PAMR1: variants seen among roughly 807,000 people sequenced by gnomAD.
PAMR1 encodes the protein peptidase domain containing associated with muscle regeneration 1.
A neutral mutation model predicts 81.8 loss-of-function variants in PAMR1; 88 were observed. That is an observed-to-expected ratio of 1.08 (90% CI 0.91 to 1.28). The LOEUF is 1.28. Ranked by LOEUF, PAMR1 falls within the 50% of genes most tolerant of loss-of-function variation. The probability of loss-of-function intolerance (pLI) is 0.00; values close to 1 mark genes in which losing one functional copy is unlikely to be tolerated. For missense variants in PAMR1, 935 were observed against 919.7 expected (o/e 1.02, Z -0.21); for synonymous variants, 336 against 345.3 (o/e 0.97, Z 0.30).
intron 1 of PAMR1, among the ~76,000 whole-genome samples, chr11:35,508,397 A>G: frequency 6.6e-6 from 1 of 151,412 alleles, no homozygotes; most frequent in East Asian, 1.9e-4. Context: ...TCATCCCCAT[A>G]TTTGAGTTCT....
In PAMR1 at chr11:35,498,583, A is replaced by G. The variant is rs754606077; in HGVS notation, c.74-4311T>C. On this transcript the variant is annotated intron_variant, in intron 1 of 10. Coordinates refer to ENST00000619888, the MANE Select transcript of PAMR1 (RefSeq NM_001001991.3). ...TATGGTTTTTTACGTATGTCAGATCAATTTCTTGCTTAAAATGGTCACCTT... is the reference window on the plus strand; with the variant it reads ...TATGGTTTTTTACGTATGTCAGATCGATTTCTTGCTTAAAATGGTCACCTT... 5.3e-5 allele frequency among the ~76,000 whole-genome samples: 8 copies of G among 152,334 alleles called. No individual in the cohort carries two copies. In the South Asian group the frequency reaches 1.0e-3, roughly 20 times the overall value.
At chr11:35,458,900 C>A (rs1049998305) in intron 6 of PAMR1, among the ~76,000 whole-genome samples, 5 of 152,120 alleles carry the variant, frequency 3.3e-5, no homozygotes, top group African/African-American at 4.8e-5. Context: ...TGTCTCTGGA[C>A]CAAACCAAAT....
intron 4 of PAMR1, among the ~76,000 whole-genome samples, chr11:35,473,601 A>T (rs1850229094): frequency 1.3e-5 from 2 of 152,168 alleles, no homozygotes; most frequent in South Asian, 4.2e-4. Context: ...GAGTGGAAAC[A>T]CAAGCTGTCA....
chr11:35,481,273 A>G (rs1326505835), intron 3 of PAMR1, among the ~76,000 whole-genome samples: 1 of 152,222 alleles, frequency 6.6e-6, no homozygotes, highest in African/African-American at 2.4e-5. Flanking sequence ...TCCTTGAGGA[A>G]TCACCACACT....
At chr11:35,524,658 A>G (rs1394366185) in intron 1 of PAMR1, among the ~76,000 whole-genome samples, 2 of 152,090 alleles carry the variant, frequency 1.3e-5, no homozygotes, top group Non-Finnish European at 2.9e-5. Context: ...TCATCTCATG[A>G]GGTCTCACTT....
At chr11:35,444,455 C>T (rs1856250364) in intron 6 of PAMR1, among the ~76,000 whole-genome samples, 1 of 152,080 alleles carries the variant, frequency 6.6e-6, no homozygotes, top group African/African-American at 2.4e-5. Context: ...AGATTTTCTT[C>T]TAGGCTTTTT....
At chr11:35,454,931 C>T (rs893409635) in intron 6 of PAMR1, among the ~76,000 whole-genome samples, 3 of 152,206 alleles carry the variant, frequency 2.0e-5, no homozygotes, top group Admixed American at 6.5e-5. Context: ...ACAGCATGTA[C>T]CTAAAATCTG....
intron 6 of PAMR1, among the ~76,000 whole-genome samples, chr11:35,452,580 A>G (rs1856440535): frequency 6.6e-6 from 1 of 152,230 alleles, no homozygotes. Flanking sequence ...TAAAATAATT[A>G]CAGTTATTAT....
intron 3 of PAMR1, among the ~76,000 whole-genome samples, chr11:35,486,740 C>T (rs1037161191): frequency 2.6e-5 from 4 of 152,198 alleles, no homozygotes; most frequent in African/African-American, 9.7e-5. Context: ...TGTTTCATAA[C>T]ATTTGGGTGA....
chr11:35,525,486 G>GGGTGTCCTCCTAT, intron 1 of PAMR1, 27 bp downstream of exon 1: 1 of 1,600,556 alleles, frequency 6.2e-7, no homozygotes, highest in Non-Finnish European at 8.6e-7. Flanking sequence ...TGTCCTCCTA[G>GGGTGTCCTCCTAT]GGTGTCCCGG....
At chr11:35,488,911 G>A (rs190439693) in intron 3 of PAMR1, among the ~76,000 whole-genome samples, 61 of 152,026 alleles carry the variant, frequency 4.0e-4, no homozygotes, top group African/African-American at 1.3e-3. Context: ...GTCACCAATC[G>A]CATGCTAGCC....
At chr11:35,513,858 A>C (rs148616245) in intron 1 of PAMR1, among the ~76,000 whole-genome samples, 1 of 152,298 alleles carries the variant, frequency 6.6e-6, no homozygotes, top group African/African-American at 2.4e-5. Context: ...TCAAATAAGC[A>C]TATTCCTTTG....
chr11:35,458,615 C>T (rs1381654444), intron 6 of PAMR1, among the ~76,000 whole-genome samples: 2 of 152,270 alleles, frequency 1.3e-5, no homozygotes, highest in Non-Finnish European at 1.5e-5. Flanking sequence ...AAATTGATGA[C>T]TGTCATCTAA....
At chr11:35,494,746 T>C (rs1182322352) in intron 1 of PAMR1, among the ~76,000 whole-genome samples, 1 of 152,180 alleles carries the variant, frequency 6.6e-6, no homozygotes, top group Non-Finnish European at 1.5e-5. Flanking sequence ...CCCAGGCCAA[T>C]GTCTCCAAAG....
Position 35,441,472 on chromosome 11 carries a change from G to GT in PAMR1, c.1033+8dup. ...ATGTCCGTAGACTTCAGAAACAATT[G>GT]TAAGTTACCTTTTATGCAGATGGGC... On this transcript the variant is annotated intron_variant, in intron 7 of 10. Coordinates refer to ENST00000619888, the MANE Select transcript of PAMR1 (RefSeq NM_001001991.3). 6.2e-7 allele frequency: 1 copy of GT among 1,601,496 alleles called. No individual in the cohort carries two copies. The highest frequency in any genetic ancestry group is 1.7e-5 in the Admixed American group (1 of 59,920).
Position 35,432,461 on chromosome 11 carries a change from C to G in PAMR1, c.2058G>C (p.Met686Ile), listed in dbSNP as rs1385419793. ...RASPEPRWHL[M>I]GLVSWSYDKT... ...TATCATAGCTCCAGCTGACCAGTCC[C>G]ATCAGATGCCAGCGTGGCTCAGGAG... Residue 686 changes from methionine (M) to isoleucine (I), a missense_variant, in exon 11 of 11, where the codon ATG (methionine) becomes ATC (isoleucine). Coordinates refer to ENST00000619888, the MANE Select transcript of PAMR1 (RefSeq NM_001001991.3). 13 of 1,614,240 alleles carry G rather than the reference C, an allele frequency of 8.1e-6. No homozygotes were observed. Among genetic ancestry groups the G allele is most frequent in the Non-Finnish European group, 1.1e-5 (13 of 1,180,046 alleles).
chr11:35,507,536 C>G (rs1311125825), intron 1 of PAMR1, among the ~76,000 whole-genome samples: 3 of 152,138 alleles, frequency 2.0e-5, no homozygotes, highest in Non-Finnish European at 4.4e-5. Context: ...TCTGTGTTAT[C>G]TTAGCAATCA....
chr11:35,440,088 C>A, intron 7 of PAMR1, among the ~76,000 whole-genome samples: 1 of 152,172 alleles, frequency 6.6e-6, no homozygotes, highest in East Asian at 1.9e-4. Context: ...TCTTTTGACA[C>A]CAGACAGCAG....
At chr11:35,504,813 C>A (rs575294909) in intron 1 of PAMR1, among the ~76,000 whole-genome samples, 2 of 151,502 alleles carry the variant, frequency 1.3e-5, no homozygotes, top group Non-Finnish European at 2.9e-5. Context: ...TTCAAAAAAC[C>A]AACTTTTTGT....
Sources: allele counts gnomAD v4.1 joint callset (sites outside exome capture counted in the v4.1 genomes callset), GRCh38; gene constraint gnomAD v4.1.1; transcripts MANE v1.5; gene names NCBI Gene and HGNC (gene_info 2026-07-23, HGNC 2026-07-21).